Variants in CIMAP2 observed in about 807,000 individuals in gnomAD.
The protein encoded by CIMAP2 is ciliary microtubule associated protein 2.
chr1:54,832,312 G>A, the CIMAP2 span, among the ~76,000 whole-genome samples: 5 of 152,182 alleles, frequency 3.3e-5, no homozygotes, highest in Non-Finnish European at 7.4e-5. Flanking sequence ...GATACTTATA[G>A]AACATTTATA....
the CIMAP2 span, among the ~76,000 whole-genome samples, chr1:54,836,108 T>G: frequency 6.6e-6 from 1 of 151,718 alleles, no homozygotes; most frequent in Non-Finnish European, 1.5e-5. Context: ...CCCCTCTGCA[T>G]GTTTACTCTG....
chr1:54,808,148 G>A, the CIMAP2 span: 4 of 889,346 alleles, frequency 4.5e-6, no homozygotes, highest in Non-Finnish European at 6.4e-6. Context: ...GGCATACACT[G>A]TCCTAGACCT....
the CIMAP2 span, among the ~76,000 whole-genome samples, chr1:54,821,886 C>CTTTTT: frequency 2.2e-3 from 144 of 66,600 alleles, 11 homozygotes; most frequent in South Asian, 4.6e-3. Context: ...CCTCTTATTT[C>CTTTTT]TTTTTTTTTT....
At chr1:54,812,768 C>T in the CIMAP2 span, among the ~76,000 whole-genome samples, 4 of 152,150 alleles carry the variant, frequency 2.6e-5, no homozygotes, top group Non-Finnish European at 2.9e-5. Context: ...TGCATTCTCG[C>T]GGTGGGTGTG....
At chr1:54,824,696 A>G in the CIMAP2 span, among the ~76,000 whole-genome samples, 2 of 151,672 alleles carry the variant, frequency 1.3e-5, no homozygotes, top group South Asian at 2.1e-4. Context: ...TTAATTTCCT[A>G]TATTGAATTG....
the CIMAP2 span, chr1:54,815,035 G>A: frequency 6.2e-7 from 1 of 1,614,138 alleles, no homozygotes; most frequent in Middle Eastern, 1.7e-4. Flanking sequence ...ATTATGGGAA[G>A]CTGGGTAAGT....
the CIMAP2 span, chr1:54,811,765 G>GCGGGGGGGGGGGGGGCCCCCCCC: frequency 7.7e-7 from 1 of 1,301,314 alleles, no homozygotes; most frequent in Non-Finnish European, 1.1e-6. Context: ...GGTTCTGACA[G>GCGGGGGGGGGGGGGGCCCCCCCC]CCTCCATGCC....
chr1:54,821,416 G>T, the CIMAP2 span, among the ~76,000 whole-genome samples: 1 of 152,178 alleles, frequency 6.6e-6, no homozygotes, highest in East Asian at 1.9e-4. Context: ...ATAGTGAGGG[G>T]TCTAGTTTCA....
chr1:54,806,961 C>G, the CIMAP2 span: 1 of 1,580,146 alleles, frequency 6.3e-7, no homozygotes, highest in Non-Finnish European at 8.7e-7. Context: ...AGGTGCCAGG[C>G]ACAGGGCTCT....
At chr1:54,824,274 T>C in the CIMAP2 span, among the ~76,000 whole-genome samples, 1 of 152,202 alleles carries the variant, frequency 6.6e-6, no homozygotes, top group African/African-American at 2.4e-5. Flanking sequence ...GCAGTCCTCC[T>C]GCCTCGGCCT....
chr1:54,817,013 C>T, the CIMAP2 span: 1 of 1,614,188 alleles, frequency 6.2e-7, no homozygotes, highest in Non-Finnish European at 8.5e-7. Flanking sequence ...GGGCCGCTAC[C>T]TCAACACCTG....
chr1:54,808,654 C>CT, the CIMAP2 span, among the ~76,000 whole-genome samples: 1 of 144,946 alleles, frequency 6.9e-6, no homozygotes, highest in African/African-American at 2.5e-5. Flanking sequence ...GAGGACCTAA[C>CT]TTACCTTTTT....
chr1:54,811,765 G>GCGGGGGGGGGGGGGCCCCCCCCCCCCCC, the CIMAP2 span: 1 of 1,301,330 alleles, frequency 7.7e-7, no homozygotes, highest in Non-Finnish European at 1.1e-6. Context: ...GGTTCTGACA[G>GCGGGGGGGGGGGGGCCCCCCCCCCCCCC]CCTCCATGCC....
the CIMAP2 span, among the ~76,000 whole-genome samples, chr1:54,828,621 C>T: frequency 6.6e-6 from 1 of 152,168 alleles, no homozygotes; most frequent in Admixed American, 6.5e-5. Context: ...TGAGCCACTG[C>T]ACCCAGCCAA....
the CIMAP2 span, among the ~76,000 whole-genome samples, chr1:54,831,826 T>TA: frequency 1.3e-5 from 2 of 152,064 alleles, no homozygotes; most frequent in Admixed American, 1.3e-4. Flanking sequence ...TGGTAAACAA[T>TA]AAAAAAATCC....
At chr1:54,819,414 G>A in the CIMAP2 span, among the ~76,000 whole-genome samples, 2 of 152,198 alleles carry the variant, frequency 1.3e-5, no homozygotes, top group African/African-American at 4.8e-5. Context: ...TGTTACCCAG[G>A]TGGGAGTGTA....
At chr1:54,829,275 C>T in the CIMAP2 span, among the ~76,000 whole-genome samples, 1,514 of 152,314 alleles carry the variant, frequency 9.9e-3, 62 homozygotes, top group East Asian at 0.12. Context: ...GTCTTCCAGA[C>T]CTTAGTTTTC....
At chr1:54,825,817 C>T in the CIMAP2 span, among the ~76,000 whole-genome samples, 1 of 151,904 alleles carries the variant, frequency 6.6e-6, no homozygotes, top group Admixed American at 6.6e-5. Context: ...CTGAGTAGTG[C>T]ATGTGGGTGC....
At chr1:54,838,319 C>T in the CIMAP2 span, among the ~76,000 whole-genome samples, 1 of 151,976 alleles carries the variant, frequency 6.6e-6, no homozygotes, top group South Asian at 2.1e-4. Context: ...CACGTCTTTA[C>T]TAAAAATACA....
Sources: gnomAD v4.1 joint callset for allele counts (sites outside exome capture counted in the v4.1 genomes callset) on GRCh38, gnomAD v4.1.1 for gene constraint, MANE v1.5 for transcripts, NCBI Gene and HGNC (gene_info 2026-07-23, HGNC 2026-07-21) for gene names.